IQGAP2: variants seen among roughly 807,000 people sequenced by gnomAD.
IQGAP2 encodes the protein ras GTPase-activating-like protein IQGAP2.
A neutral mutation model predicts 201.3 loss-of-function variants in IQGAP2; 173 were observed. That is an observed-to-expected ratio of 0.86 (90% CI 0.76 to 0.98). The LOEUF (loss-of-function observed/expected upper bound fraction) is 0.98, where lower values mean the gene tolerates loss of function less well. Among genes scored for constraint, IQGAP2 ranks in the 50% least tolerant of loss-of-function variants. The probability of loss-of-function intolerance (pLI) is 0.00; values close to 1 mark genes in which losing one functional copy is unlikely to be tolerated. For synonymous variants in IQGAP2, 675 were observed against 673.9 expected (o/e 1.00, Z -0.03); for missense variants, 1,687 against 1,864.8 (o/e 0.90, Z 1.76).
At chr5:76,679,175 C>T (rs946363366) in intron 28 of IQGAP2, among the ~76,000 whole-genome samples, 5 of 152,002 alleles carry the variant, frequency 3.3e-5, no homozygotes, top group African/African-American at 4.8e-5. Flanking sequence ...TATCCACATG[C>T]GAAAAAAATG....
At chr5:76,544,268 G>C (rs1742960702) in intron 2 of IQGAP2, among the ~76,000 whole-genome samples, 1 of 152,136 alleles carries the variant, frequency 6.6e-6, no homozygotes, top group South Asian at 2.1e-4. Context: ...TCTTTGTCAA[G>C]GAGTAAAGAC....
chr5:76,422,736 T>G (rs1165230003), intron 1 of IQGAP2, among the ~76,000 whole-genome samples: 1 of 152,204 alleles, frequency 6.6e-6, no homozygotes, highest in African/African-American at 2.4e-5. Context: ...GAAGGAGGCA[T>G]GTACACACAG....
chr5:76,468,729 C>T (rs1279012947), intron 2 of IQGAP2, among the ~76,000 whole-genome samples: 2 of 152,224 alleles, frequency 1.3e-5, no homozygotes, highest in African/African-American at 2.4e-5. Flanking sequence ...TTACATTGTG[C>T]CGCACTGCTC....
At chr5:76,537,279 G>C (rs912917269) in intron 2 of IQGAP2, among the ~76,000 whole-genome samples, 4 of 152,134 alleles carry the variant, frequency 2.6e-5, no homozygotes, top group Non-Finnish European at 5.9e-5. Context: ...ATAAAGGCCT[G>C]TCCGGAATAG....
Position 76,417,389 on chromosome 5 carries a change from A to G in IQGAP2, c.46+13798A>G, listed in dbSNP as rs186477511. On this transcript the variant is annotated intron_variant, in intron 1 of 35. Coordinates refer to ENST00000274364, the MANE Select transcript of IQGAP2 (RefSeq NM_006633.5). ...ACTGCAATCTCCGCCTCCCGGGTTC[A>G]AGTGATTCTCCTGCCTCAGCCTCCT... is the stretch of plus-strand genomic sequence containing the variant. Among the ~76,000 whole-genome samples the G allele has an allele frequency of 1.3e-5, 2 of 151,862 alleles. 1 individual carries two copies. Among genetic ancestry groups the G allele is most frequent in the Non-Finnish European group, 2.9e-5 (2 of 67,902 alleles).
chr5:76,546,209 G>C (rs1375171880), intron 2 of IQGAP2, among the ~76,000 whole-genome samples: 1 of 152,168 alleles, frequency 6.6e-6, no homozygotes, highest in African/African-American at 2.4e-5. Flanking sequence ...GCCGAGGTGG[G>C]CAGATCACTT....
At position 76,588,070 on chromosome 5, in the gene IQGAP2, ACTTT is replaced by A. The variant is rs909050684; in HGVS notation, c.459-832_459-829del. On this transcript the variant is annotated intron_variant, in intron 5 of 35. Transcript: ENST00000274364. ...TACCATTAAAAAAGCTTGATCTTGA[ACTTT>A]CTTAATGCATTTAATGAAATTCTAT... Among the ~76,000 whole-genome samples, 34 of 152,278 alleles carry A rather than the reference ACTTT, an allele frequency of 2.2e-4. 1 individual carries two copies. The highest frequency in any genetic ancestry group is 7.2e-4 in the Admixed American group (11 of 15,298).
chr5:76,584,342 C>T (rs1746093773), intron 5 of IQGAP2, among the ~76,000 whole-genome samples: 2 of 152,088 alleles, frequency 1.3e-5, no homozygotes, highest in South Asian at 4.1e-4. Context: ...TTAAAAAATA[C>T]ATTTGCGATA....
chr5:76,443,197 T>C (rs573202093), intron 1 of IQGAP2, among the ~76,000 whole-genome samples: 8 of 152,182 alleles, frequency 5.3e-5, no homozygotes, highest in Non-Finnish European at 1.2e-4. Flanking sequence ...GGAAAATATA[T>C]ACAAATAGTC....
At chr5:76,610,955 C>T (rs1205228101) in intron 12 of IQGAP2, 65 bp from the exon 13 acceptor site, 6 of 1,357,758 alleles carry the variant, frequency 4.4e-6, no homozygotes, top group South Asian at 2.8e-5. Flanking sequence ...CTTTTGCAAT[C>T]GGTGATACTA....
chr5:76,514,742 T>G (rs1215056190), intron 2 of IQGAP2, among the ~76,000 whole-genome samples: 1 of 152,252 alleles, frequency 6.6e-6, no homozygotes, highest in Non-Finnish European at 1.5e-5. Context: ...AACATCACGT[T>G]GTACTTGCCT....
At chr5:76,680,000 C>T (rs528704063) in intron 28 of IQGAP2, among the ~76,000 whole-genome samples, 3 of 152,316 alleles carry the variant, frequency 2.0e-5, no homozygotes, top group East Asian at 1.9e-4. Flanking sequence ...GGTGTGTTCT[C>T]TCTTTGTTAA....
chr5:76,683,802 C>T lies in IQGAP2; in HGVS notation c.3790C>T (p.Pro1264Ser), dbSNP rs866729346. Residue 1264 changes from proline (P) to serine (S), a missense_variant, in exon 30 of 36, where the codon CCT (proline) becomes TCT (serine). Physicochemically the swap from Pro to Ser is moderately conservative, Grantham distance 74. Transcript: ENST00000274364. ...GGAAGGAGCAGTTGACCCCAATGAC[C>T]CTAACAAGGCAAATACACTAAGTCA... ...LGEGAVDPND[P>S]NKANTLSQLS... 5 of 1,612,478 alleles carry T rather than the reference C, an allele frequency of 3.1e-6. No homozygotes were observed. The African/African-American group carries it at 4.0e-5, about 13-fold the overall frequency.
At chr5:76,463,304 T>TA (rs1281299537) in intron 2 of IQGAP2, among the ~76,000 whole-genome samples, 1 of 152,124 alleles carries the variant, frequency 6.6e-6, no homozygotes, top group Non-Finnish European at 1.5e-5. Context: ...AGGAAAATGA[T>TA]ATGTGATTGG....
chr5:76,659,323 G>T (rs1310489192), intron 21 of IQGAP2, among the ~76,000 whole-genome samples: 1 of 152,128 alleles, frequency 6.6e-6, no homozygotes, highest in African/African-American at 2.4e-5. Flanking sequence ...AATAATAAAA[G>T]CACACATTTT....
chr5:76,449,684 C>T (rs1753611307), intron 1 of IQGAP2, among the ~76,000 whole-genome samples: 1 of 152,180 alleles, frequency 6.6e-6, no homozygotes, highest in Non-Finnish European at 1.5e-5. Flanking sequence ...CCATCCCTGC[C>T]TAGCTTCATA....
At chr5:76,552,087 C>T (rs1267525852) in intron 2 of IQGAP2, among the ~76,000 whole-genome samples, 1 of 152,184 alleles carries the variant, frequency 6.6e-6, no homozygotes, top group Non-Finnish European at 1.5e-5. Context: ...AGAGTAGTAG[C>T]TTTAGGGACC....
rs1161934756 is a variant in IQGAP2 at position 76,475,691 on chromosome 5, C to T, written c.146+14022C>T. On this transcript the variant is annotated intron_variant, in intron 2 of 35. Transcript: ENST00000274364. ...CTCAACCAAATTCCTTTTCTGCCCC[C>T]CTCCCATAACCTGTTTTGCTGGGAT... Among the ~76,000 whole-genome samples, 3 of 152,176 alleles carry T rather than the reference C, an allele frequency of 2.0e-5. No individual in the cohort carries two copies. In the South Asian group the frequency reaches 6.2e-4, roughly 32 times the overall value.
At chr5:76,494,480 A>T (rs1338016234) in intron 2 of IQGAP2, among the ~76,000 whole-genome samples, 1 of 152,156 alleles carries the variant, frequency 6.6e-6, no homozygotes, top group Non-Finnish European at 1.5e-5. Flanking sequence ...CATCATTATT[A>T]TCTTGGGGGA....
Sources: gnomAD v4.1 joint callset for allele counts (sites outside exome capture counted in the v4.1 genomes callset) on GRCh38, gnomAD v4.1.1 for gene constraint, MANE v1.5 for transcripts, NCBI Gene and HGNC (gene_info 2026-07-23, HGNC 2026-07-21) for gene names.